Variants in CPNE4 observed in about 807,000 individuals in gnomAD.
The protein encoded by CPNE4 is copine 4.
In CPNE4, 25 loss-of-function variants were observed where a neutral mutation model predicts 67.9. That is an observed-to-expected ratio of 0.37 (90% confidence interval 0.27 to 0.51). CPNE4 has a LOEUF of 0.51. Ranked by LOEUF, CPNE4 falls within the 20% of genes least tolerant of loss-of-function variation. The probability of loss-of-function intolerance (pLI) is 0.93; values close to 1 mark genes in which losing one functional copy is unlikely to be tolerated. For synonymous variants in CPNE4, 242 were observed against 244.9 expected (o/e 0.99, Z 0.11); for missense variants, 464 against 690.8 (o/e 0.67, Z 3.68).
chr3:131,950,738 T>C (rs1222287967), intron 1 of CPNE4, among the ~76,000 whole-genome samples: 9 of 152,218 alleles, frequency 5.9e-5, no homozygotes, highest in Admixed American at 5.9e-4. Flanking sequence ...TTTTGCTAGA[T>C]GTTAGCAAAT....
chr3:131,537,664 C>T, intron 15 of CPNE4: 1 of 261,614 alleles, frequency 3.8e-6, no homozygotes, highest in South Asian at 4.0e-5. Context: ...TTTGGGACTT[C>T]AGCCAACATG....
chr3:131,563,921 A>G (rs1645730087), intron 11 of CPNE4, among the ~76,000 whole-genome samples: 1 of 152,096 alleles, frequency 6.6e-6, no homozygotes, highest in Non-Finnish European at 1.5e-5. Context: ...CTGCTAGTGC[A>G]TAAGCAATTT....
rs757208823 is a variant in CPNE4 at position 131,733,762 on chromosome 3, A to C, written c.181-10137T>G. Reference sequence around the variant, plus strand: ...CACTTCACTCAGATGTTGGTTATTAACAGGATGTTCCCACCATCTCATTTC... The same window carrying C: ...CACTTCACTCAGATGTTGGTTATTACCAGGATGTTCCCACCATCTCATTTC... On this transcript the variant is annotated intron_variant, in intron 2 of 15. Coordinates refer to ENST00000429747, the MANE Select transcript of CPNE4 (RefSeq NM_130808.3). Among the ~76,000 whole-genome samples the C allele has an allele frequency of 2.0e-5, 3 of 152,172 alleles. No homozygotes were observed. The East Asian group carries it at 5.8e-4, about 29-fold the overall frequency.
At chr3:131,816,958 A>G (rs2084766674) in intron 2 of CPNE4, among the ~76,000 whole-genome samples, 1 of 152,228 alleles carries the variant, frequency 6.6e-6, no homozygotes, top group South Asian at 2.1e-4. Context: ...GTTTTGACAA[A>G]TGTGTATACT....
intron 5 of CPNE4, among the ~76,000 whole-genome samples, 164 bp from the exon 6 acceptor site, chr3:131,686,122 C>A (rs1357635842): frequency 6.6e-6 from 1 of 152,186 alleles, no homozygotes; most frequent in Non-Finnish European, 1.5e-5. Context: ...TCTACTCAAA[C>A]TCTCTTCTCT....
At chr3:131,940,342 GGAGA>G (rs1380631528) in intron 1 of CPNE4, among the ~76,000 whole-genome samples, 1 of 151,978 alleles carries the variant, frequency 6.6e-6, no homozygotes, top group Non-Finnish European at 1.5e-5. Flanking sequence ...TGCACACAGG[GGAGA>G]GAAATAATAG....
At chr3:131,968,178 C>A (rs2072403557) in intron 1 of CPNE4, among the ~76,000 whole-genome samples, 1 of 152,130 alleles carries the variant, frequency 6.6e-6, no homozygotes, top group South Asian at 2.1e-4. Flanking sequence ...AAACTGGACC[C>A]CTTCCTTACA....
At chr3:131,994,293 A>C (rs1419575891) in intron 1 of CPNE4, among the ~76,000 whole-genome samples, 1 of 136,246 alleles carries the variant, frequency 7.3e-6, no homozygotes, top group Non-Finnish European at 1.7e-5. Flanking sequence ...CAGTAAGGTG[A>C]GTTTTTTAGT....
In CPNE4 at chr3:131,541,243, G is replaced by A. The variant is rs537390707; in HGVS notation, c.1539+1314C>T. On this transcript the variant is annotated intron_variant, in intron 15 of 15. Transcript: ENST00000429747. ...CTTCAGGACTACCATTAGCCCCAAG[G>A]GAGGCTTTTATGAATTCAAGATGTC... is the stretch of plus-strand genomic sequence containing the variant. Among the ~76,000 whole-genome samples the A allele has an allele frequency of 2.0e-5, 3 of 152,284 alleles. No homozygotes were observed. The South Asian group carries it at 6.2e-4, about 32-fold the overall frequency.
At chr3:131,929,218 A>ACT in intron 1 of CPNE4, among the ~76,000 whole-genome samples, 1 of 137,724 alleles carries the variant, frequency 7.3e-6, no homozygotes, top group Non-Finnish European at 1.6e-5. Context: ...AAAAAAAAAA[A>ACT]GATTTTCAGA....
At chr3:131,960,118 A>G (rs75540156) in intron 1 of CPNE4, among the ~76,000 whole-genome samples, 2 of 81,102 alleles carry the variant, frequency 2.5e-5, no homozygotes, top group African/African-American at 5.5e-5. Flanking sequence ...GCAGAGAAAG[A>G]GTGGAGAGGG....
intron 2 of CPNE4, among the ~76,000 whole-genome samples, chr3:131,728,444 A>AT (rs1278737333): frequency 6.6e-6 from 1 of 152,178 alleles, no homozygotes; most frequent in East Asian, 1.9e-4. Context: ...AATTTGAAGC[A>AT]TTTTTTCATA....
intron 3 of CPNE4, among the ~76,000 whole-genome samples, chr3:131,710,100 T>C (rs2081521783): frequency 6.6e-6 from 1 of 152,236 alleles, no homozygotes; most frequent in Admixed American, 6.5e-5. Context: ...TAAGTTCCAA[T>C]AAGTGGATAA....
At chr3:131,687,081 G>A (rs1228773112) in intron 5 of CPNE4, among the ~76,000 whole-genome samples, 1 of 152,114 alleles carries the variant, frequency 6.6e-6, no homozygotes, top group Admixed American at 6.6e-5. Context: ...GCACCTCCAT[G>A]GGTTTCTCTT....
At chr3:131,612,368 T>A (rs1267561382) in intron 7 of CPNE4, among the ~76,000 whole-genome samples, 1 of 151,786 alleles carries the variant, frequency 6.6e-6, no homozygotes, top group East Asian at 1.9e-4. Context: ...AGTGGGACTG[T>A]GTGTCAAAAA....
chr3:131,934,583 G>T (rs1255260828), intron 1 of CPNE4, among the ~76,000 whole-genome samples: 1 of 152,036 alleles, frequency 6.6e-6, no homozygotes, highest in Non-Finnish European at 1.5e-5. Flanking sequence ...CCCCTGACAG[G>T]CCCCAGTGTG....
At chr3:131,938,216 G>T (rs2107848108) in intron 1 of CPNE4, among the ~76,000 whole-genome samples, 1 of 152,036 alleles carries the variant, frequency 6.6e-6, no homozygotes, top group South Asian at 2.1e-4. Context: ...AATTAGCTGG[G>T]CATGGTGGTG....
At chr3:131,705,173 T>C (rs1183516097) in intron 3 of CPNE4, among the ~76,000 whole-genome samples, 3 of 152,182 alleles carry the variant, frequency 2.0e-5, no homozygotes, top group African/African-American at 4.8e-5. Context: ...TTTGGAATCA[T>C]TGCTGTGGAG....
At chr3:131,928,806 G>C (rs2107825625) in intron 1 of CPNE4, among the ~76,000 whole-genome samples, 1 of 152,298 alleles carries the variant, frequency 6.6e-6, no homozygotes, top group African/African-American at 2.4e-5. Flanking sequence ...GCTGCCATTT[G>C]AGAAGCTTTT....
Sources: allele counts gnomAD v4.1 joint callset (sites outside exome capture counted in the v4.1 genomes callset), GRCh38; gene constraint gnomAD v4.1.1; transcripts MANE v1.5; gene names NCBI Gene and HGNC (gene_info 2026-07-23, HGNC 2026-07-21).